VAV3: variants seen among roughly 807,000 people sequenced by gnomAD.
VAV3 encodes guanine nucleotide exchange factor VAV3.
Under a neutral mutation model 131.2 loss-of-function variants are expected in VAV3, and 94 were observed. The ratio of observed to expected loss-of-function variants is 0.72; its 90% CI spans 0.61 to 0.85. The LOEUF (loss-of-function observed/expected upper bound fraction) is 0.85, where lower values mean the gene tolerates loss of function less well. VAV3 is among the 40% of genes least tolerant of loss of function. The probability of loss-of-function intolerance (pLI) is 0.00; values close to 1 mark genes in which losing one functional copy is unlikely to be tolerated. For synonymous variants in VAV3, 349 were observed against 342.0 expected (o/e 1.02, Z -0.22); for missense variants, 939 against 1,002.7 (o/e 0.94, Z 0.86).
At chr1:107,853,614 T>A (rs1346911874) in intron 2 of VAV3, among the ~76,000 whole-genome samples, 1 of 151,906 alleles carries the variant, frequency 6.6e-6, no homozygotes, top group Non-Finnish European at 1.5e-5. Flanking sequence ...CTGCAAGTTC[T>A]TTTAATGTCT....
chr1:107,739,327 C>T (rs1263388793), intron 15 of VAV3, among the ~76,000 whole-genome samples: 1 of 152,218 alleles, frequency 6.6e-6, no homozygotes, highest in Non-Finnish European at 1.5e-5. Flanking sequence ...TTGAAAGACT[C>T]CATTTCATGA....
chr1:107,908,620 T>G (rs1209686589), intron 1 of VAV3, among the ~76,000 whole-genome samples: 2 of 152,154 alleles, frequency 1.3e-5, no homozygotes, highest in Non-Finnish European at 2.9e-5. Context: ...TTCGGGCCTT[T>G]GGTGAGAACT....
chr1:107,885,726 A>T (rs772905381), intron 1 of VAV3, among the ~76,000 whole-genome samples: 8 of 152,150 alleles, frequency 5.3e-5, no homozygotes, highest in Non-Finnish European at 1.0e-4. Context: ...TGGGGCACAG[A>T]CAGGTAAAAC....
intron 1 of VAV3, among the ~76,000 whole-genome samples, chr1:107,917,497 C>T (rs1331851927): frequency 2.0e-5 from 3 of 152,142 alleles, no homozygotes; most frequent in African/African-American, 7.2e-5. Flanking sequence ...ACTCCTGGAT[C>T]ATAAAGGGGC....
chr1:107,625,100 G>T (rs1653914280), intron 20 of VAV3, among the ~76,000 whole-genome samples: 1 of 152,024 alleles, frequency 6.6e-6, no homozygotes, highest in Non-Finnish European at 1.5e-5. Context: ...ACGACCTAAG[G>T]ATTTCCAATG....
chr1:107,948,275 T>C (rs977822147), intron 1 of VAV3, among the ~76,000 whole-genome samples: 3 of 152,132 alleles, frequency 2.0e-5, no homozygotes, highest in African/African-American at 7.2e-5. Flanking sequence ...AAGGTCTTCA[T>C]AGTAAGTGCT....
chr1:107,636,323 T>G (rs969412489), intron 20 of VAV3, among the ~76,000 whole-genome samples: 1 of 152,220 alleles, frequency 6.6e-6, no homozygotes, highest in African/African-American at 2.4e-5. Context: ...ATTCTAAATA[T>G]GTCTGGGCAA....
At chr1:107,580,708 C>T (rs1291488714) in intron 25 of VAV3, among the ~76,000 whole-genome samples, 1 of 152,118 alleles carries the variant, frequency 6.6e-6, no homozygotes, top group Non-Finnish European at 1.5e-5. Flanking sequence ...ATGCCTGGCA[C>T]CTACTGAGAC....
In VAV3 at chr1:107,891,838, C is replaced by CAAAA. The variant is rs35693360; in HGVS notation, c.205-16825_205-16822dup. Among the ~76,000 whole-genome samples the CAAAA allele has an allele frequency of 2.0e-3, 55 of 27,916 alleles. 2 individuals carry two copies. Among genetic ancestry groups the CAAAA allele is most frequent in the African/African-American group, 4.9e-3 (47 of 9,548 alleles). The allele number at this position is 27,916 out of a possible 152,430, so 18.3% of individuals were successfully genotyped here. On this transcript the variant is annotated intron_variant, in intron 1 of 26. Coordinates refer to ENST00000370056, the MANE Select transcript of VAV3 (RefSeq NM_006113.5). ...TGGGGGACACAGCAAGACTCCGTCT[C>CAAAA]AAAAAAAAAAAAAAAAAAAAAAAAA...
intron 1 of VAV3, among the ~76,000 whole-genome samples, chr1:107,906,322 C>T (rs571322167): frequency 7.9e-5 from 12 of 152,238 alleles, no homozygotes; most frequent in Non-Finnish European, 1.3e-4. Context: ...AAATGGCCAG[C>T]AAGGAACACA....
chr1:107,667,023 C>T (rs1438180733), intron 19 of VAV3, among the ~76,000 whole-genome samples: 3 of 152,166 alleles, frequency 2.0e-5, no homozygotes, highest in Non-Finnish European at 2.9e-5. Flanking sequence ...GCTGCCTCTG[C>T]TCTAATGGAT....
intron 19 of VAV3, among the ~76,000 whole-genome samples, chr1:107,681,908 C>T (rs746277891): frequency 9.9e-5 from 15 of 152,142 alleles, no homozygotes; most frequent in Non-Finnish European, 1.5e-4. Flanking sequence ...GATCCGCCGG[C>T]CTTGACCTCC....
intron 19 of VAV3, among the ~76,000 whole-genome samples, chr1:107,681,696 C>T (rs1009509287): frequency 4.0e-5 from 6 of 149,618 alleles, no homozygotes; most frequent in Admixed American, 2.7e-4. Flanking sequence ...GCTTTGTCAC[C>T]AGGCTGGAGT....
At chr1:107,895,781 GA>G (rs1159692786) in intron 1 of VAV3, among the ~76,000 whole-genome samples, 4 of 152,226 alleles carry the variant, frequency 2.6e-5, no homozygotes, top group South Asian at 2.1e-4. Flanking sequence ...GCTCAAAAAT[GA>G]ATTAGTTATA....
chr1:107,624,374 C>CTGTGTGTGTG (rs59476510), intron 20 of VAV3, among the ~76,000 whole-genome samples: 111 of 143,318 alleles, frequency 7.7e-4, no homozygotes, highest in East Asian at 1.4e-3. Flanking sequence ...AGTCTTATGA[C>CTGTGTGTGTG]TGTGTGTGTG....
At chr1:107,944,187 G>A (rs1674135407) in intron 1 of VAV3, among the ~76,000 whole-genome samples, 1 of 152,168 alleles carries the variant, frequency 6.6e-6, no homozygotes, top group Non-Finnish European at 1.5e-5. Flanking sequence ...AACATATATT[G>A]GAAACTGTGG....
chr1:107,608,282 T>C (rs1213254706), intron 22 of VAV3, among the ~76,000 whole-genome samples: 2 of 152,202 alleles, frequency 1.3e-5, no homozygotes, highest in African/African-American at 4.8e-5. Context: ...TTTCATAAAA[T>C]CCATGCAGTT....
chr1:107,825,713 A>C (rs1318505316), intron 2 of VAV3, among the ~76,000 whole-genome samples: 1 of 152,128 alleles, frequency 6.6e-6, no homozygotes, highest in African/African-American at 2.4e-5. Context: ...CCTCTCACAA[A>C]ATATCTGCCT....
chr1:107,620,992 G>A (rs925375655), intron 20 of VAV3, among the ~76,000 whole-genome samples: 1 of 151,962 alleles, frequency 6.6e-6, no homozygotes, highest in Non-Finnish European at 1.5e-5. Context: ...GACCTTTTGA[G>A]AGTAAATGGG....
Sources: gnomAD v4.1 joint callset for allele counts (sites outside exome capture counted in the v4.1 genomes callset) on GRCh38, gnomAD v4.1.1 for gene constraint, MANE v1.5 for transcripts, NCBI Gene and HGNC (gene_info 2026-07-23, HGNC 2026-07-21) for gene names.